The following CD247 variants were observed in gnomAD, a reference collection of about 807,000 sequenced individuals.
CD247 encodes the protein CD247 molecule.
Under a neutral mutation model 30.0 loss-of-function variants are expected in CD247, and 13 were observed. That is an observed-to-expected ratio of 0.43 (90% CI 0.28 to 0.69). CD247 has a LOEUF of 0.69. CD247 is among the 30% of genes least tolerant of loss of function. The pLI is 0.16. For synonymous variants in CD247, 72 were observed against 80.0 expected (o/e 0.90, Z 0.53); for missense variants, 193 against 212.6 (o/e 0.91, Z 0.57).
At chr1:167,470,939 T>C (rs1166899637) in intron 1 of CD247, among the ~76,000 whole-genome samples, 2 of 150,084 alleles carry the variant, frequency 1.3e-5, no homozygotes, top group South Asian at 2.1e-4. Flanking sequence ...TGGCACAATC[T>C]CGGCTCACTG....
At chr1:167,512,446 T>C (rs1655427101) in intron 1 of CD247, among the ~76,000 whole-genome samples, 1 of 152,078 alleles carries the variant, frequency 6.6e-6, no homozygotes, top group African/African-American at 2.4e-5. Flanking sequence ...CTTTAAAACT[T>C]TGTAATTTCA....
chr1:167,483,267 C>T (rs912542125), intron 1 of CD247, among the ~76,000 whole-genome samples: 2 of 152,122 alleles, frequency 1.3e-5, no homozygotes, highest in African/African-American at 4.8e-5. Context: ...CTCAGCCTCC[C>T]AAAATGTTAG....
At chr1:167,513,340 A>C (rs1188518719) in intron 1 of CD247, among the ~76,000 whole-genome samples, 1 of 152,200 alleles carries the variant, frequency 6.6e-6, no homozygotes, top group Non-Finnish European at 1.5e-5. Flanking sequence ...CACTTGTAAA[A>C]AATGTTGGAT....
At position 167,433,987 on chromosome 1, in the gene CD247, C is replaced by T. The variant is rs200375126; in HGVS notation, c.393+33G>A. 3.4e-5 allele frequency: 54 copies of T among 1,593,978 alleles called. No homozygotes were observed. In the African/African-American group the frequency reaches 5.6e-4, roughly 17 times the overall value. ...GGCGTGTCTGGAGGACCAAGAGGAACTCCCTCGGAAATTAAGAAACAGCAA... is the reference window on the plus strand; with the variant it reads ...GGCGTGTCTGGAGGACCAAGAGGAATTCCCTCGGAAATTAAGAAACAGCAA... On this transcript the variant is annotated intron_variant, in intron 6 of 7. Coordinates refer to ENST00000362089, the MANE Select transcript of CD247 (RefSeq NM_198053.3).
chr1:167,515,586 A>G (rs1415915747), intron 1 of CD247, among the ~76,000 whole-genome samples: 2 of 152,228 alleles, frequency 1.3e-5, no homozygotes, highest in Non-Finnish European at 2.9e-5. Flanking sequence ...CAGAGTAAGT[A>G]TCTTTAAAAA....
At chr1:167,505,777 A>G (rs1398536993) in intron 1 of CD247, among the ~76,000 whole-genome samples, 1 of 152,228 alleles carries the variant, frequency 6.6e-6, no homozygotes, top group African/African-American at 2.4e-5. Flanking sequence ...GGATGATCCA[A>G]TGCCTTTTTG....
intron 1 of CD247, among the ~76,000 whole-genome samples, chr1:167,475,723 C>T (rs1281911963): frequency 6.6e-6 from 1 of 152,178 alleles, no homozygotes; most frequent in Admixed American, 6.5e-5. Context: ...AATGACACCA[C>T]AGGGATGCAA....
intron 7 of CD247, 45 bp from the exon 8 acceptor site, chr1:167,431,791 T>C (rs1200680794): frequency 6.4e-7 from 1 of 1,572,640 alleles, no homozygotes; most frequent in Admixed American, 1.7e-5. Flanking sequence ...GTCAGTAGCC[T>C]GTGTGGGCAG....
At chr1:167,469,345 C>G (rs1653405018) in intron 1 of CD247, among the ~76,000 whole-genome samples, 1 of 152,186 alleles carries the variant, frequency 6.6e-6, no homozygotes, top group Non-Finnish European at 1.5e-5. Flanking sequence ...CATGGGCCCA[C>G]AGAGCTAAGG....
At chr1:167,453,354 G>A (rs116716885) in intron 1 of CD247, among the ~76,000 whole-genome samples, 1,762 of 152,266 alleles carry the variant, frequency 0.012, 33 homozygotes, top group African/African-American at 0.04. Flanking sequence ...GCCTGGACGA[G>A]AAGCCAGGTC....
chr1:167,511,032 A>G (rs1655366149), intron 1 of CD247, among the ~76,000 whole-genome samples: 1 of 152,244 alleles, frequency 6.6e-6, no homozygotes, highest in South Asian at 2.1e-4. Context: ...TCCAGTCAAC[A>G]GCACAAGGAT....
At chr1:167,455,642 C>T (rs1652615494) in intron 1 of CD247, among the ~76,000 whole-genome samples, 1 of 152,174 alleles carries the variant, frequency 6.6e-6, no homozygotes, top group African/African-American at 2.4e-5. Flanking sequence ...GCGTGATCTC[C>T]CATCTGAGCT....
At chr1:167,484,574 C>T (rs560322324) in intron 1 of CD247, among the ~76,000 whole-genome samples, 7 of 152,290 alleles carry the variant, frequency 4.6e-5, no homozygotes, top group East Asian at 1.9e-4. Context: ...GTCAGGAGTT[C>T]GAGACCAGCC....
chr1:167,477,856 G>A (rs573809591), intron 1 of CD247, among the ~76,000 whole-genome samples: 4 of 152,150 alleles, frequency 2.6e-5, no homozygotes, highest in Admixed American at 6.5e-5. Context: ...TAATTTCTTG[G>A]GATATCTTAG....
At chr1:167,470,049 G>A (rs1032092126) in intron 1 of CD247, among the ~76,000 whole-genome samples, 1 of 152,060 alleles carries the variant, frequency 6.6e-6, no homozygotes, top group Non-Finnish European at 1.5e-5. Flanking sequence ...AAGTAGCTGG[G>A]ATTACAGGCT....
intron 1 of CD247, among the ~76,000 whole-genome samples, chr1:167,512,478 G>A (rs1414736696): frequency 6.6e-6 from 1 of 152,102 alleles, no homozygotes; most frequent in African/African-American, 2.4e-5. Flanking sequence ...AACTCATTTT[G>A]TAGCTAAAAG....
intron 7 of CD247, among the ~76,000 whole-genome samples, chr1:167,432,321 C>T (rs537469311): frequency 1.3e-5 from 2 of 152,214 alleles, no homozygotes; most frequent in Admixed American, 6.5e-5. Context: ...CCCCCTGGTC[C>T]AGGGGCCAGG....
At chr1:167,466,007 T>C (rs1483152075) in intron 1 of CD247, among the ~76,000 whole-genome samples, 1 of 152,242 alleles carries the variant, frequency 6.6e-6, no homozygotes, top group Non-Finnish European at 1.5e-5. Context: ...TGACACCAGC[T>C]CCAACTTTGA....
intron 1 of CD247, among the ~76,000 whole-genome samples, chr1:167,516,539 C>T (rs868379807): frequency 6.6e-5 from 10 of 152,154 alleles, no homozygotes; most frequent in South Asian, 2.1e-4. Flanking sequence ...GCCTTTCCTC[C>T]GGGGAGACTG....
Sources: allele counts gnomAD v4.1 joint callset (sites outside exome capture counted in the v4.1 genomes callset), GRCh38; gene constraint gnomAD v4.1.1; transcripts MANE v1.5; gene names NCBI Gene and HGNC (gene_info 2026-07-23, HGNC 2026-07-21).